EGFLAM: variants seen among roughly 807,000 people sequenced by gnomAD.
The protein encoded by EGFLAM is EGF like, fibronectin type III and laminin G domains, also known as pikachurin.
A neutral mutation model predicts 113.1 loss-of-function variants in EGFLAM; 79 were observed. The observed-to-expected ratio is 0.70, with a 90% confidence interval of 0.58 to 0.84. EGFLAM has a LOEUF of 0.84. EGFLAM is among the 40% of genes least tolerant of loss of function. The probability of loss-of-function intolerance (pLI) is 0.00; values close to 1 mark genes in which losing one functional copy is unlikely to be tolerated. For synonymous variants in EGFLAM, 504 were observed against 487.6 expected (o/e 1.03, Z -0.44); for missense variants, 1,265 against 1,291.6 (o/e 0.98, Z 0.32).
intron 20 of EGFLAM, chr5:38,461,385 C>T (rs1374462005): frequency 6.6e-6 from 1 of 152,022 alleles, no homozygotes; most frequent in Non-Finnish European, 1.5e-5. Flanking sequence ...AAGGTGATGC[C>T]ACATTTTTTC....
intron 5 of EGFLAM, among the ~76,000 whole-genome samples, chr5:38,352,832 A>G (rs755780938): frequency 3.3e-5 from 5 of 152,128 alleles, no homozygotes; most frequent in Admixed American, 6.5e-5. Context: ...CATCTGGTAA[A>G]CCTATCTGTA....
chr5:38,337,269 A>G (rs905745222), intron 1 of EGFLAM, among the ~76,000 whole-genome samples: 1 of 152,182 alleles, frequency 6.6e-6, no homozygotes, highest in South Asian at 2.1e-4. Context: ...TCCCTGACCT[A>G]TTAGAAGTTA....
At chr5:38,403,897 A>C (rs779445311) in intron 6 of EGFLAM, 5 of 1,613,880 alleles carry the variant, frequency 3.1e-6, no homozygotes, top group Non-Finnish European at 4.2e-6. Context: ...TCCAGGTATA[A>C]ATCTGGCATC....
intron 6 of EGFLAM, among the ~76,000 whole-genome samples, chr5:38,372,752 T>A (rs1740258332): frequency 6.6e-6 from 1 of 152,238 alleles, no homozygotes; most frequent in African/African-American, 2.4e-5. Flanking sequence ...ACACAGTTAC[T>A]CAGATCAGAA....
At chr5:38,396,465 C>T (rs754755073) in intron 6 of EGFLAM, among the ~76,000 whole-genome samples, 4 of 152,210 alleles carry the variant, frequency 2.6e-5, no homozygotes, top group Non-Finnish European at 4.4e-5. Flanking sequence ...ATTTATTTTG[C>T]ATTTACCATG....
At chr5:38,346,069 C>T (rs559278938) in intron 3 of EGFLAM, among the ~76,000 whole-genome samples, 13 of 152,184 alleles carry the variant, frequency 8.5e-5, no homozygotes, top group East Asian at 1.9e-4. Context: ...AAGAGACAGA[C>T]GGGAAACAGC....
intron 10 of EGFLAM, among the ~76,000 whole-genome samples, chr5:38,411,465 A>G (rs1024588068): frequency 2.9e-4 from 43 of 150,550 alleles, no homozygotes; most frequent in African/African-American, 1.0e-3. Flanking sequence ...CGGATTAGCT[A>G]CTACCTTTCA....
chr5:38,335,366 T>C (rs1340605867), intron 1 of EGFLAM, among the ~76,000 whole-genome samples: 1 of 152,184 alleles, frequency 6.6e-6, no homozygotes, highest in Non-Finnish European at 1.5e-5. Context: ...TTAATGTACA[T>C]GCGTGCTCTG....
chr5:38,440,163 G>A (rs1047833671), intron 17 of EGFLAM, among the ~76,000 whole-genome samples: 9 of 152,182 alleles, frequency 5.9e-5, no homozygotes, highest in Non-Finnish European at 1.3e-4. Flanking sequence ...ACGGCAGAGG[G>A]AACTGCAGGA....
Position 38,451,417 on chromosome 5 carries a change from C to T in EGFLAM, c.2646C>T (p.Asp882=), listed in dbSNP as rs756752739. Residue 882 remains aspartate (D), a synonymous_variant, in exon 19 of 22, where the codon GAC becomes GAT. Transcript: ENST00000322350. ...RGDSPMRPNS[D]FISLGLRDGA... ...ACAGCCCCATGAGACCCAACAGCGA[C>T]TTCATTTCCTTGGGCCTTCGGGATG... The T allele has an allele frequency of 1.2e-6, 2 of 1,614,240 alleles. No homozygotes were observed. The highest frequency in any genetic ancestry group is 1.7e-6 in the Non-Finnish European group (2 of 1,180,044).
intron 3 of EGFLAM, among the ~76,000 whole-genome samples, chr5:38,349,553 GGCAGAA>G: frequency 6.6e-6 from 1 of 152,240 alleles, no homozygotes; most frequent in East Asian, 1.9e-4. Flanking sequence ...AACAATAAGT[GGCAGAA>G]TCAGGATTCA....
Position 38,448,241 on chromosome 5 carries a change from T to C in EGFLAM, c.2465-60T>C, listed in dbSNP as rs537161928. ...GCTGGGTGTTTTCCTGCCATGTGTG[T>C]GAGTGCAGGGGTCAAGAGAACCACA... On this transcript the variant is annotated intron_variant, in intron 17 of 21. Transcript: ENST00000322350. 1,960 of 1,558,066 alleles carry C rather than the reference T, an allele frequency of 1.3e-3. 22 individuals are homozygous for C. In the African/African-American group the frequency reaches 0.024, roughly 19 times the overall value.
chr5:38,373,612 C>T (rs952507504), intron 6 of EGFLAM, among the ~76,000 whole-genome samples: 1 of 152,184 alleles, frequency 6.6e-6, no homozygotes, highest in African/African-American at 2.4e-5. Context: ...GTTATGGCTG[C>T]ATAATATTCT....
At chr5:38,388,917 G>GAAAAAAAAA (rs770527595) in intron 6 of EGFLAM, among the ~76,000 whole-genome samples, 1 of 61,066 alleles carries the variant, frequency 1.6e-5, no homozygotes, top group African/African-American at 5.5e-5. Flanking sequence ...CCTGTCTCAA[G>GAAAAAAAAA]AAAAAAAAAA....
intron 17 of EGFLAM, among the ~76,000 whole-genome samples, chr5:38,441,422 T>C (rs1030452396): frequency 5.9e-5 from 9 of 152,092 alleles, no homozygotes; most frequent in African/African-American, 2.2e-4. Flanking sequence ...AAAAATTACT[T>C]CCATACTTAG....
chr5:38,388,231 A>T (rs944967824), intron 6 of EGFLAM, among the ~76,000 whole-genome samples: 1 of 152,256 alleles, frequency 6.6e-6, no homozygotes, highest in Non-Finnish European at 1.5e-5. Context: ...TTATATCAAG[A>T]CTAGAGATGA....
intron 6 of EGFLAM, among the ~76,000 whole-genome samples, chr5:38,400,281 T>C (rs567712357): frequency 6.6e-6 from 1 of 152,186 alleles, no homozygotes; most frequent in Admixed American, 6.5e-5. Flanking sequence ...AAAGCACAGG[T>C]TTTTTTATAA....
intron 19 of EGFLAM, among the ~76,000 whole-genome samples, chr5:38,456,481 G>A (rs867983836): frequency 6.6e-6 from 1 of 151,994 alleles, no homozygotes; most frequent in Non-Finnish European, 1.5e-5. Context: ...TCAAAATTCC[G>A]CCACCAGGCT....
chr5:38,334,891 C>T (rs902552436), intron 1 of EGFLAM, among the ~76,000 whole-genome samples: 3 of 152,146 alleles, frequency 2.0e-5, no homozygotes, highest in South Asian at 2.1e-4. Flanking sequence ...CGGTTCTCAA[C>T]GGGGAGCAGT....
Sources: allele counts gnomAD v4.1 joint callset (sites outside exome capture counted in the v4.1 genomes callset), GRCh38; gene constraint gnomAD v4.1.1; transcripts MANE v1.5; gene names NCBI Gene and HGNC (gene_info 2026-07-23, HGNC 2026-07-21).